PSD3: variants seen among roughly 807,000 people sequenced by gnomAD.
The protein encoded by PSD3 is PH and SEC7 domain-containing protein 3.
PSD3 carries 49 observed loss-of-function variants against 105.5 expected under a neutral mutation model. The ratio of observed to expected loss-of-function variants is 0.46; its 90% confidence interval spans 0.37 to 0.59. The LOEUF is 0.59. Ranked by LOEUF, PSD3 falls within the 20% of genes least tolerant of loss-of-function variation. The probability of loss-of-function intolerance (pLI) is 0.00; values close to 1 mark genes in which losing one functional copy is unlikely to be tolerated. For synonymous variants in PSD3, 557 were observed against 457.8 expected, an observed-to-expected ratio of 1.22 and a Z score of -2.77; for missense variants, 1,561 against 1,263.8, an observed-to-expected ratio of 1.24 and a Z score of -3.57.
intron 2 of PSD3, among the ~76,000 whole-genome samples, chr8:18,893,391 C>T (rs11986165): frequency 2.1e-3 from 315 of 152,310 alleles, no homozygotes; most frequent in African/African-American, 7.1e-3. Context: ...AAGTGGGCAA[C>T]AGGAACCAGC....
At chr8:18,604,880 G>C (rs1162054124) in intron 11 of PSD3, among the ~76,000 whole-genome samples, 1 of 152,200 alleles carries the variant, frequency 6.6e-6, no homozygotes, top group Non-Finnish European at 1.5e-5. Flanking sequence ...GTGGTTTTAA[G>C]CCTGTGGCTA....
intron 1 of PSD3, among the ~76,000 whole-genome samples, chr8:19,008,283 A>G (rs540361924): frequency 6.6e-6 from 1 of 152,376 alleles, no homozygotes; most frequent in African/African-American, 2.4e-5. Flanking sequence ...AAAGTTTCAG[A>G]TGCAAGAAAT....
chr8:18,949,470 G>A (rs897446037), intron 1 of PSD3, among the ~76,000 whole-genome samples: 4 of 151,090 alleles, frequency 2.6e-5, no homozygotes, highest in African/African-American at 7.3e-5. Context: ...AATAACACAC[G>A]AAATATTTAA....
chr8:19,008,595 G>C (rs986585921), intron 1 of PSD3, among the ~76,000 whole-genome samples: 2 of 152,176 alleles, frequency 1.3e-5, no homozygotes, highest in African/African-American at 4.8e-5. Flanking sequence ...AAGCATGTAA[G>C]TTTCCATATA....
At chr8:18,861,493 C>T (rs1816445551) in intron 4 of PSD3, among the ~76,000 whole-genome samples, 1 of 151,948 alleles carries the variant, frequency 6.6e-6, no homozygotes, top group African/African-American at 2.4e-5. Flanking sequence ...ACAAGTAACC[C>T]TCTCTCTCCT....
At chr8:18,972,437 C>T (rs544286091) in intron 1 of PSD3, among the ~76,000 whole-genome samples, 1 of 152,326 alleles carries the variant, frequency 6.6e-6, no homozygotes, top group East Asian at 1.9e-4. Flanking sequence ...TTTGACTCAA[C>T]ATAGCTAATT....
intron 10 of PSD3, among the ~76,000 whole-genome samples, chr8:18,633,731 T>C (rs80287483): frequency 0.027 from 4,150 of 152,208 alleles, 80 homozygotes; most frequent in East Asian, 0.099. Context: ...TATGAGTGCA[T>C]GTGTCTTTTT....
intron 2 of PSD3, among the ~76,000 whole-genome samples, chr8:18,900,869 A>G (rs562668677): frequency 2.0e-5 from 3 of 152,098 alleles, no homozygotes; most frequent in Non-Finnish European, 4.4e-5. Context: ...TTAGCATCAC[A>G]CAGTGTTTTA....
At chr8:19,061,758 T>A (rs1473212601) in intron 1 of PSD3, among the ~76,000 whole-genome samples, 1 of 151,354 alleles carries the variant, frequency 6.6e-6, no homozygotes, top group African/African-American at 2.4e-5. Context: ...TGAGCCAAGA[T>A]TGTGCCACTC....
At chr8:18,585,888 T>C (rs1367615382) in intron 12 of PSD3, among the ~76,000 whole-genome samples, 1 of 152,166 alleles carries the variant, frequency 6.6e-6, no homozygotes, top group East Asian at 1.9e-4. Flanking sequence ...ACTTGGAGTT[T>C]GACAAGGCAT....
intron 2 of PSD3, among the ~76,000 whole-genome samples, chr8:18,889,129 T>C (rs1001537187): frequency 6.6e-6 from 1 of 152,158 alleles, no homozygotes; most frequent in Non-Finnish European, 1.5e-5. Context: ...TAAAACACCA[T>C]TTCAAAACGT....
chr8:18,987,352 A>G (rs1825561288), intron 1 of PSD3, among the ~76,000 whole-genome samples: 6 of 151,882 alleles, frequency 4.0e-5, no homozygotes, highest in Admixed American at 3.3e-4. Flanking sequence ...CAGTGGCGCA[A>G]TCTCGGCTCA....
chr8:18,628,455 A>G (rs545321686), intron 11 of PSD3, among the ~76,000 whole-genome samples: 1 of 152,046 alleles, frequency 6.6e-6, no homozygotes, highest in East Asian at 1.9e-4. Flanking sequence ...ATTGAAAGGA[A>G]AAACAACCTG....
intron 2 of PSD3, among the ~76,000 whole-genome samples, chr8:18,916,061 A>T (rs1001734380): frequency 6.6e-6 from 1 of 151,892 alleles, no homozygotes; most frequent in Admixed American, 6.6e-5. Flanking sequence ...GTGCCATTGC[A>T]CTCCAGCCTG....
intron 11 of PSD3, among the ~76,000 whole-genome samples, chr8:18,630,342 C>T (rs1396265653): frequency 1.3e-5 from 2 of 151,926 alleles, no homozygotes; most frequent in African/African-American, 4.8e-5. Context: ...AAGCAATCCT[C>T]AGGTTCTGTA....
chr8:18,837,584 T>C (rs760913185), intron 4 of PSD3, among the ~76,000 whole-genome samples: 4 of 152,110 alleles, frequency 2.6e-5, no homozygotes, highest in Non-Finnish European at 4.4e-5. Flanking sequence ...GTTCTTGATG[T>C]TTTAATACTC....
At chr8:19,064,479 G>A (rs1226069632) in intron 1 of PSD3, among the ~76,000 whole-genome samples, 1 of 152,058 alleles carries the variant, frequency 6.6e-6, no homozygotes, top group Non-Finnish European at 1.5e-5. Context: ...GAGGGTCACT[G>A]GGGTAGTCGT....
At chr8:18,864,036 C>T (rs746868214) in intron 4 of PSD3, among the ~76,000 whole-genome samples, 5 of 152,118 alleles carry the variant, frequency 3.3e-5, no homozygotes, top group East Asian at 1.9e-4. Context: ...TGTCCAATAC[C>T]GCCACTGAAA....
rs570868954 is a variant in PSD3, at chr8:19,065,417, T to C, written c.324+18789A>G. Among the ~76,000 whole-genome samples, 3 of 152,242 alleles carry C rather than the reference T, an allele frequency of 2.0e-5. No individual in the cohort carries two copies. In the South Asian group the frequency reaches 6.2e-4, roughly 32 times the overall value. ...GGAGATAGCGTCAGATCCCACAGCTTGAGGGCTCAGTCTGACAAGACTGCA... is the reference window on the plus strand; with the variant it reads ...GGAGATAGCGTCAGATCCCACAGCTCGAGGGCTCAGTCTGACAAGACTGCA... On this transcript the variant is annotated intron_variant, in intron 1 of 1. Coordinates refer to the PSD3 transcript ENST00000521475.
Sources: allele counts gnomAD v4.1 joint callset (sites outside exome capture counted in the v4.1 genomes callset), GRCh38; gene constraint gnomAD v4.1.1; transcripts MANE v1.5; gene names NCBI Gene and HGNC (gene_info 2026-07-23, HGNC 2026-07-21).